Variants in SNTG1 observed in about 807,000 individuals in gnomAD.
SNTG1 encodes the protein gamma-1-syntrophin.
A neutral mutation model predicts 74.7 loss-of-function variants in SNTG1; 39 were observed. The observed-to-expected ratio is 0.52, with a 90% CI of 0.40 to 0.68. SNTG1 has a LOEUF of 0.68. SNTG1 is among the 30% of genes least tolerant of loss of function. The pLI, the probability that SNTG1 is intolerant of heterozygous loss-of-function variation, is 0.00. For missense variants in SNTG1, 685 were observed against 609.5 expected, an observed-to-expected ratio of 1.12 and a Z score of -1.30; for synonymous variants, 254 against 217.1, an observed-to-expected ratio of 1.17 and a Z score of -1.49.
At chr8:50,771,448 T>G (rs969188373) in intron 18 of SNTG1, among the ~76,000 whole-genome samples, 1 of 152,112 alleles carries the variant, frequency 6.6e-6, no homozygotes, top group Non-Finnish European at 1.5e-5. Context: ...AACTGCATGG[T>G]TGCATTTAAC....
chr8:50,128,370 A>G (rs753351212), intron 1 of SNTG1, among the ~76,000 whole-genome samples: 25 of 152,156 alleles, frequency 1.6e-4, no homozygotes, highest in Non-Finnish European at 3.2e-4. Flanking sequence ...GTCTTTAGCT[A>G]GACAGAGCGT....
intron 2 of SNTG1, among the ~76,000 whole-genome samples, chr8:50,292,683 T>G (rs2130574969): frequency 6.6e-6 from 1 of 152,230 alleles, no homozygotes; most frequent in South Asian, 2.1e-4. Flanking sequence ...TTACTGTCAG[T>G]TGAGATGAAG....
At chr8:50,291,731 C>T (rs544642536) in intron 2 of SNTG1, among the ~76,000 whole-genome samples, 3 of 152,210 alleles carry the variant, frequency 2.0e-5, no homozygotes, top group South Asian at 2.1e-4. Context: ...AAAATGAGAT[C>T]GTAGAGACCA....
At chr8:50,296,155 CTG>C (rs2089359600) in intron 2 of SNTG1, among the ~76,000 whole-genome samples, 2 of 152,158 alleles carry the variant, frequency 1.3e-5, no homozygotes, top group Admixed American at 1.3e-4. Context: ...AATGGAAAGA[CTG>C]TGTTGCAGGC....
At chr8:50,274,515 C>A (rs1030907675) in intron 2 of SNTG1, among the ~76,000 whole-genome samples, 2 of 151,992 alleles carry the variant, frequency 1.3e-5, no homozygotes, top group Admixed American at 6.6e-5. Context: ...TTTTACATTT[C>A]TTTTCAATTT....
chr8:50,407,288 A>G (rs1220577539), intron 4 of SNTG1, among the ~76,000 whole-genome samples: 1 of 152,190 alleles, frequency 6.6e-6, no homozygotes, highest in Non-Finnish European at 1.5e-5. Context: ...GGTTAGGAGA[A>G]TGTTCTAAGG....
intron 9 of SNTG1, among the ~76,000 whole-genome samples, chr8:50,524,247 T>A (rs1359987060): frequency 1.3e-5 from 2 of 152,030 alleles, no homozygotes; most frequent in Non-Finnish European, 2.9e-5. Context: ...TTACATCCCC[T>A]CCCCACCTTC....
intron 15 of SNTG1, among the ~76,000 whole-genome samples, chr8:50,692,374 T>G (rs2095384741): frequency 6.6e-6 from 1 of 152,138 alleles, no homozygotes; most frequent in East Asian, 1.9e-4. Context: ...TTCCCATCTT[T>G]GTGGTTTTAT....
intron 1 of SNTG1, among the ~76,000 whole-genome samples, chr8:50,126,975 A>T (rs2081161995): frequency 6.6e-6 from 1 of 152,150 alleles, no homozygotes; most frequent in Non-Finnish European, 1.5e-5. Context: ...TCACAGTTAT[A>T]TCTGGGGTCA....
intron 6 of SNTG1, among the ~76,000 whole-genome samples, chr8:50,450,019 A>G (rs920035575): frequency 3.3e-5 from 5 of 152,164 alleles, no homozygotes; most frequent in African/African-American, 1.2e-4. Context: ...AAGATACAAA[A>G]CTAATGATAA....
intron 2 of SNTG1, among the ~76,000 whole-genome samples, chr8:50,288,757 A>G (rs557878962): frequency 2.0e-5 from 3 of 152,296 alleles, no homozygotes; most frequent in East Asian, 1.9e-4. Context: ...GGATGTTGAC[A>G]TGTGAGGCTA....
chr8:50,703,813 AG>A (rs2131526000), intron 15 of SNTG1, among the ~76,000 whole-genome samples: 1 of 152,244 alleles, frequency 6.6e-6, no homozygotes, highest in South Asian at 2.1e-4. Flanking sequence ...GGAATTTTTC[AG>A]CTCCCTTATA....
chr8:50,399,550 T>G (rs527826136), intron 3 of SNTG1, among the ~76,000 whole-genome samples: 1 of 152,302 alleles, frequency 6.6e-6, no homozygotes, highest in East Asian at 1.9e-4. Context: ...AAACAGAGCA[T>G]TATTTGTGAT....
Position 50,553,104 on chromosome 8 carries a change from G to C in SNTG1, c.735G>C (p.Gln245His). The change falls in exon 12 of 19, where the codon CAG becomes CAC. Residue 245 changes from glutamine (Q) to histidine (H), a missense_variant. Gln to His is a conservative substitution (Grantham distance 24). Transcript: ENST00000642720. ...ATGGGGTCTGCACTGGGATTATTCA[G>C]TGCCTCTCTGCTGAAGACTGCGTTG... ...AVDGVCTGII[Q>H]CLSAEDCVDW... 3 of 1,613,958 alleles carry C rather than the reference G, an allele frequency of 1.9e-6. No homozygotes were observed. The highest frequency in any genetic ancestry group is 2.5e-6 in the Non-Finnish European group (3 of 1,179,892).
chr8:50,584,313 T>C (rs1253258242), intron 12 of SNTG1, among the ~76,000 whole-genome samples: 8 of 151,294 alleles, frequency 5.3e-5, no homozygotes, highest in Non-Finnish European at 1.0e-4. Context: ...ATGGTATTTC[T>C]AGTTCTAGAT....
chr8:50,470,633 G>A (rs952278075), intron 8 of SNTG1, among the ~76,000 whole-genome samples: 1 of 152,154 alleles, frequency 6.6e-6, no homozygotes, highest in African/African-American at 2.4e-5. Flanking sequence ...GAGTGTTACA[G>A]CTCTTAAATG....
chr8:50,161,949 GC>G (rs1160313965), intron 1 of SNTG1, among the ~76,000 whole-genome samples: 2 of 152,020 alleles, frequency 1.3e-5, no homozygotes, highest in African/African-American at 4.8e-5. Context: ...TCACAACCTG[GC>G]CGAAACTGCT....
intron 2 of SNTG1, among the ~76,000 whole-genome samples, chr8:50,283,648 TG>T (rs2088599139): frequency 6.6e-6 from 1 of 152,182 alleles, no homozygotes; most frequent in African/African-American, 2.4e-5. Flanking sequence ...TTCTCATTCC[TG>T]AGAAGTTCAT....
intron 1 of SNTG1, among the ~76,000 whole-genome samples, chr8:49,992,543 T>G (rs1813791856): frequency 6.6e-6 from 1 of 152,162 alleles, no homozygotes; most frequent in Non-Finnish European, 1.5e-5. Flanking sequence ...GGTATAAGCC[T>G]TAAGTGCATA....
Sources: gnomAD v4.1 joint callset for allele counts (sites outside exome capture counted in the v4.1 genomes callset) on GRCh38, gnomAD v4.1.1 for gene constraint, MANE v1.5 for transcripts, NCBI Gene and HGNC (gene_info 2026-07-23, HGNC 2026-07-21) for gene names.